ANO2: variants seen among roughly 807,000 people sequenced by gnomAD.
ANO2 encodes anoctamin 2.
Under a neutral mutation model 124.2 loss-of-function variants are expected in ANO2, and 101 were observed. The observed-to-expected ratio is 0.81, with a 90% confidence interval of 0.69 to 0.96. The LOEUF is 0.96. Among genes scored for constraint, ANO2 ranks in the 40% least tolerant of loss-of-function variants. ANO2 has a pLI of 0.00. For missense variants in ANO2, 1,293 were observed against 1,274.5 expected, an observed-to-expected ratio of 1.01 and a Z score of -0.22; for synonymous variants, 486 against 482.5, an observed-to-expected ratio of 1.01 and a Z score of -0.09.
chr12:5,796,285 ACTCATTCACACG>A (rs1324404103), intron 10 of ANO2, among the ~76,000 whole-genome samples: 3 of 150,364 alleles, frequency 2.0e-5, no homozygotes, highest in African/African-American at 7.4e-5. Flanking sequence ...ATGCACACAC[ACTCATTCACACG>A]CTCATACACA....
chr12:5,758,682 A>T (rs1951651934), intron 10 of ANO2, among the ~76,000 whole-genome samples: 1 of 152,178 alleles, frequency 6.6e-6, no homozygotes, highest in Non-Finnish European at 1.5e-5. Context: ...CAGTGCACTG[A>T]AGGTGACTCT....
chr12:5,827,865 C>T (rs1292036479), intron 6 of ANO2, 45 bp from the exon 7 acceptor site: 4 of 1,578,890 alleles, frequency 2.5e-6, no homozygotes, highest in Non-Finnish European at 3.4e-6. Context: ...AGTTCCCCCC[C>T]GCCCTCCACC....
intron 10 of ANO2, among the ~76,000 whole-genome samples, chr12:5,774,435 C>T (rs1952170826): frequency 1.3e-5 from 2 of 152,296 alleles, no homozygotes; most frequent in South Asian, 4.1e-4. Flanking sequence ...CACCACACTC[C>T]AGCCTGGGAA....
At chr12:5,752,927 G>A (rs1483193499) in intron 10 of ANO2, among the ~76,000 whole-genome samples, 2 of 152,130 alleles carry the variant, frequency 1.3e-5, no homozygotes, top group Non-Finnish European at 2.9e-5. Context: ...TCTCATGCAT[G>A]TGGATATCCA....
chr12:5,727,737 A>C (rs1950496671), intron 14 of ANO2, among the ~76,000 whole-genome samples: 1 of 145,630 alleles, frequency 6.9e-6, no homozygotes, highest in Non-Finnish European at 1.5e-5. Context: ...TCCCAGGTTC[A>C]TGTCATTCTC....
At chr12:5,834,129 C>T (rs772014063) in intron 4 of ANO2, among the ~76,000 whole-genome samples, 32 of 152,172 alleles carry the variant, frequency 2.1e-4, no homozygotes, top group Admixed American at 3.3e-4. Flanking sequence ...GTCAACACCA[C>T]ATGAAGCAGA....
chr12:5,838,814 T>C (rs975824916), intron 4 of ANO2, among the ~76,000 whole-genome samples: 6 of 152,214 alleles, frequency 3.9e-5, no homozygotes, highest in Non-Finnish European at 8.8e-5. Flanking sequence ...CAACAAACCA[T>C]GGACTTACGG....
At position 5,827,780 on chromosome 12, in the gene ANO2, T is replaced by G. The variant is rs1954017566; in HGVS notation, c.881A>C (p.Asn294Thr). The change falls in exon 7 of 25, where the codon AAC becomes ACC. Residue 294 changes from asparagine (N) to threonine (T), a missense_variant. Coordinates refer to ENST00000682330, the MANE Select transcript of ANO2 (RefSeq NM_001364791.2). ...ILKRTACSRA[N>T]NTMGINSLIA... is the part of the protein sequence containing the mutation. The stretch of plus-strand genomic sequence containing the variant: ...GCTGGGGTCCTTACCCATCGTGTTG[T>G]TGGCTCGGGAGCAGGCTGTGCGCTT... The G allele has an allele frequency of 1.9e-6, 3 of 1,611,512 alleles. No individual in the cohort carries two copies. The highest frequency in any genetic ancestry group is 2.5e-6 in the Non-Finnish European group (3 of 1,179,080).
At chr12:5,808,944 C>T (rs1469284928) in intron 7 of ANO2, among the ~76,000 whole-genome samples, 5 of 152,168 alleles carry the variant, frequency 3.3e-5, no homozygotes, top group Non-Finnish European at 7.3e-5. Context: ...GGAGCAGAGG[C>T]CCGCGGCAGG....
intron 11 of ANO2, among the ~76,000 whole-genome samples, chr12:5,745,316 G>C (rs1951233981): frequency 6.6e-6 from 1 of 152,192 alleles, no homozygotes; most frequent in Admixed American, 6.5e-5. Context: ...TCATGGTTCA[G>C]GGGGAAAGGG....
chr12:5,935,124 A>T (rs1303987878), intron 1 of ANO2, among the ~76,000 whole-genome samples: 1 of 152,204 alleles, frequency 6.6e-6, no homozygotes, highest in Non-Finnish European at 1.5e-5. Flanking sequence ...CCTCTGTTAC[A>T]GCTTTTTTAA....
intron 19 of ANO2, among the ~76,000 whole-genome samples, chr12:5,606,053 G>C (rs139348706): frequency 1.3e-5 from 2 of 152,100 alleles, no homozygotes; most frequent in Non-Finnish European, 2.9e-5. Context: ...TCAAGTGCTC[G>C]GTGACCCCAT....
chr12:5,673,552 T>C lies in ANO2; in HGVS notation c.1546-25751A>G, dbSNP rs546032790. Among the ~76,000 whole-genome samples, 6 of 152,348 alleles carry C rather than the reference T, an allele frequency of 3.9e-5. No homozygotes were observed. In the East Asian group the frequency reaches 1.2e-3, roughly 29 times the overall value. ...CTTTAAGTGAATAAAATGGCCTAACTGTACTAAAGCTTTATCCCAGTGCTT... is the reference window on the plus strand; with the variant it reads ...CTTTAAGTGAATAAAATGGCCTAACCGTACTAAAGCTTTATCCCAGTGCTT... On this transcript the variant is annotated intron_variant, in intron 14 of 24. Coordinates refer to ENST00000682330, the MANE Select transcript of ANO2 (RefSeq NM_001364791.2).
intron 19 of ANO2, among the ~76,000 whole-genome samples, chr12:5,605,995 G>A (rs768881233): frequency 3.3e-5 from 5 of 152,156 alleles, no homozygotes; most frequent in Non-Finnish European, 7.3e-5. Context: ...GCCAGATCAC[G>A]CAACCAAGTT....
intron 23 of ANO2, among the ~76,000 whole-genome samples, chr12:5,568,979 T>C (rs1224824584): frequency 6.6e-6 from 1 of 152,262 alleles, no homozygotes; most frequent in East Asian, 1.9e-4. Flanking sequence ...AAATAGCAAC[T>C]ATTCTTTCTC....
intron 12 of ANO2, among the ~76,000 whole-genome samples, chr12:5,743,055 A>C (rs138887329): frequency 5.5e-4 from 83 of 151,788 alleles, no homozygotes; most frequent in Middle Eastern, 3.4e-3. Flanking sequence ...GCAATATGGG[A>C]ATCTTTCCAA....
At chr12:5,711,068 G>C (rs943882314) in intron 14 of ANO2, among the ~76,000 whole-genome samples, 6 of 151,506 alleles carry the variant, frequency 4.0e-5, no homozygotes, top group African/African-American at 1.2e-4. Context: ...TGAGGCAGGA[G>C]AATGGCATGA....
At chr12:5,574,913 C>T (rs1474748828) in intron 23 of ANO2, among the ~76,000 whole-genome samples, 1 of 152,154 alleles carries the variant, frequency 6.6e-6, no homozygotes, top group African/African-American at 2.4e-5. Context: ...AACCTTTTGG[C>T]TTATGCTGGT....
At chr12:5,783,018 C>T (rs1240062345) in intron 10 of ANO2, among the ~76,000 whole-genome samples, 3 of 152,148 alleles carry the variant, frequency 2.0e-5, no homozygotes, top group Non-Finnish European at 1.5e-5. Flanking sequence ...ACTGACAGCT[C>T]AAAGGTGATG....
Sources: gnomAD v4.1 joint callset for allele counts (sites outside exome capture counted in the v4.1 genomes callset) on GRCh38, gnomAD v4.1.1 for gene constraint, MANE v1.5 for transcripts, NCBI Gene and HGNC (gene_info 2026-07-23, HGNC 2026-07-21) for gene names.